CBLB: variants seen among roughly 807,000 people sequenced by gnomAD.
CBLB encodes the protein Cbl proto-oncogene B.
CBLB carries 31 observed loss-of-function variants against 104.9 expected under a neutral mutation model. The ratio of observed to expected loss-of-function variants is 0.30; its 90% CI spans 0.22 to 0.40. CBLB has a LOEUF of 0.40. Among genes scored for constraint, CBLB ranks in the 10% least tolerant of loss-of-function variants. The probability of loss-of-function intolerance (pLI) is 1.00; values close to 1 mark genes in which losing one functional copy is unlikely to be tolerated. For missense variants in CBLB, 1,062 were observed against 1,214.6 expected (o/e 0.87, Z 1.87); for synonymous variants, 440 against 422.6 (o/e 1.04, Z -0.51).
chr3:105,702,141 G>T lies in CBLB; in HGVS notation c.1912C>A (p.Leu638Ile). Reference sequence around the variant, plus strand: ...TCATGGCGTCTGTGTTTCCGCATAAGCACTGGGTCAGAGCCCACTCTACTG... The same window carrying T: ...TCATGGCGTCTGTGTTTCCGCATAATCACTGGGTCAGAGCCCACTCTACTG... The part of the protein sequence containing the change: ...RHSRVGSDPV[L>I]MRKHRRHDLP... The change falls in exon 12 of 19, where the codon CTT becomes ATT. Residue 638 changes from leucine (L) to isoleucine (I), a missense_variant. Physicochemically the swap from Leu to Ile is conservative, Grantham distance 5. Coordinates refer to ENST00000394030, the MANE Select transcript of CBLB (RefSeq NM_170662.5). The T allele has an allele frequency of 6.2e-7, 1 of 1,614,116 alleles. No individual in the cohort carries two copies. The highest frequency in any genetic ancestry group is 8.5e-7 in the Non-Finnish European group (1 of 1,180,018).
chr3:105,825,048 T>C (rs901882167), intron 3 of CBLB, among the ~76,000 whole-genome samples: 2 of 152,188 alleles, frequency 1.3e-5, no homozygotes, highest in Non-Finnish European at 2.9e-5. Context: ...ACTGAAATTA[T>C]AGCATGTTTG....
At chr3:105,838,083 C>CTTTT (rs11294272) in intron 3 of CBLB, among the ~76,000 whole-genome samples, 3 of 116,348 alleles carry the variant, frequency 2.6e-5, no homozygotes, top group African/African-American at 9.8e-5. Flanking sequence ...TCCTTTTTTT[C>CTTTT]TTTTTTTTTT....
chr3:105,760,858 CTT>C (rs1253160798), intron 4 of CBLB, among the ~76,000 whole-genome samples: 2 of 152,116 alleles, frequency 1.3e-5, no homozygotes, highest in Non-Finnish European at 2.9e-5. Context: ...TAAATAACTC[CTT>C]TGTTATTAAA....
intron 9 of CBLB, among the ~76,000 whole-genome samples, chr3:105,732,714 G>A (rs530626429): frequency 7.2e-5 from 11 of 152,030 alleles, no homozygotes; most frequent in African/African-American, 1.7e-4. Context: ...TAAGGAGCTC[G>A]GCAGGCATCA....
rs773364972 is a variant in CBLB at position 105,702,173 on chromosome 3, C to T, written c.1880G>A (p.Gly627Glu). 1 of 1,614,156 alleles carries T rather than the reference C, an allele frequency of 6.2e-7. No homozygotes were observed. The highest frequency in any genetic ancestry group is 2.2e-5 in the East Asian group (1 of 44,880). ...GTCAGAGCCCACTCTACTGTGCCTT[C>T]CATTGACATTTGAACTCGCTGTGAT... ...PGITASSNVNGRHSRVGSDPV... is the reference protein window; with the variant it reads ...PGITASSNVNERHSRVGSDPV... The change falls in exon 12 of 19, where the codon GGA becomes GAA. Residue 627 changes from glycine to glutamate, a missense_variant. Physicochemically the swap from Gly to Glu is moderately conservative, Grantham distance 98. Around this residue, in one of 2 missense-constraint regions of CBLB, gnomAD observed 605 missense variants for 582.6 expected, o/e 1.04. Transcript: ENST00000394030.
At chr3:105,803,460 G>A (rs1577336397) in intron 3 of CBLB, among the ~76,000 whole-genome samples, 1 of 152,222 alleles carries the variant, frequency 6.6e-6, no homozygotes, top group East Asian at 1.9e-4. Context: ...TTTTCATGGA[G>A]TGGACCACCT....
At chr3:105,768,609 C>G (rs1228983373) in intron 4 of CBLB, among the ~76,000 whole-genome samples, 1 of 152,212 alleles carries the variant, frequency 6.6e-6, no homozygotes, top group African/African-American at 2.4e-5. Flanking sequence ...AACACAAAAT[C>G]TGACATACAA....
At chr3:105,773,623 T>C (rs904454134) in intron 4 of CBLB, among the ~76,000 whole-genome samples, 1 of 152,212 alleles carries the variant, frequency 6.6e-6, no homozygotes, top group Admixed American at 6.5e-5. Flanking sequence ...GCTAGTAATA[T>C]ATTTTTCGAG....
chr3:105,804,041 C>A (rs1230990336), intron 3 of CBLB, among the ~76,000 whole-genome samples: 1 of 152,152 alleles, frequency 6.6e-6, no homozygotes, highest in Non-Finnish European at 1.5e-5. Context: ...CACACTTAAA[C>A]TGCCTAGCTT....
rs182000999 is a variant in CBLB, at chr3:105,657,877, C to T, written c.*1093G>A. On this transcript the variant is annotated 3_prime_UTR_variant, in exon 19 of 19. Coordinates refer to ENST00000394030, the MANE Select transcript of CBLB (RefSeq NM_170662.5). ...GTAGCCTTGACACTCAACAGTGCAA[C>T]GAAGAGTTAATGTTTCCACTGCAAT... is the stretch of plus-strand genomic sequence containing the variant. The T allele has an allele frequency of 1.7e-3, 357 of 210,040 alleles. 3 individuals carry two copies. Among genetic ancestry groups the T allele is most frequent in the Non-Finnish European group, 3.7e-4 (38 of 103,490 alleles). 13.0% of individuals were successfully genotyped at this position (210,040 alleles called of 1,614,324 possible).
At chr3:105,739,685 T>C (rs1020306515) in intron 7 of CBLB, among the ~76,000 whole-genome samples, 5 of 152,020 alleles carry the variant, frequency 3.3e-5, no homozygotes, top group Non-Finnish European at 4.4e-5. Flanking sequence ...TATTAACATA[T>C]AGTCCTGAAT....
intron 2 of CBLB, among the ~76,000 whole-genome samples, chr3:105,854,593 A>ATTTTT (rs200499603): frequency 1.0e-4 from 15 of 145,428 alleles, no homozygotes; most frequent in African/African-American, 3.5e-4. Flanking sequence ...CCCTCGTTGT[A>ATTTTT]TTTTTTTTTT....
At chr3:105,705,343 T>C (rs545994175) in intron 10 of CBLB, among the ~76,000 whole-genome samples, 11 of 152,166 alleles carry the variant, frequency 7.2e-5, no homozygotes, top group South Asian at 2.1e-4. Flanking sequence ...CTAAAATCCA[T>C]AGTTTATTCA....
intron 1 of CBLB, 101 bp from the exon 2 acceptor site, chr3:105,867,692 T>TCA: frequency 2.9e-6 from 3 of 1,031,522 alleles, no homozygotes; most frequent in Non-Finnish European, 4.4e-6. Context: ...TCTTCCTCCA[T>TCA]CGATTAGAGC....
intron 10 of CBLB, among the ~76,000 whole-genome samples, chr3:105,717,733 C>T (rs554757905): frequency 6.6e-6 from 1 of 152,246 alleles, no homozygotes; most frequent in Admixed American, 6.5e-5. Flanking sequence ...AACAGTACAT[C>T]AATATCACCA....
chr3:105,766,077 A>G (rs1477967723), intron 4 of CBLB, among the ~76,000 whole-genome samples: 1 of 152,198 alleles, frequency 6.6e-6, no homozygotes, highest in East Asian at 1.9e-4. Context: ...AGTGAATTCC[A>G]AATCTCATGG....
chr3:105,740,466 C>A (rs754875366), intron 7 of CBLB, 28 bp downstream of exon 7: 2 of 1,612,416 alleles, frequency 1.2e-6, no homozygotes, highest in South Asian at 2.2e-5. Flanking sequence ...GAATCATAAG[C>A]ACTCCAACTT....
At chr3:105,838,988 G>A (rs1050826533) in intron 3 of CBLB, among the ~76,000 whole-genome samples, 55 of 152,250 alleles carry the variant, frequency 3.6e-4, no homozygotes, top group African/African-American at 1.3e-3. Context: ...AAAATGAAAG[G>A]AGTTCTGAAC....
chr3:105,728,615 C>T (rs2073956692), intron 9 of CBLB, among the ~76,000 whole-genome samples: 1 of 152,102 alleles, frequency 6.6e-6, no homozygotes, highest in African/African-American at 2.4e-5. Flanking sequence ...GTCCCATTAA[C>T]ACGTGGATGT....
Sources: gnomAD v4.1 joint callset for allele counts (sites outside exome capture counted in the v4.1 genomes callset) on GRCh38, gnomAD v4.1.1 for gene constraint, gnomAD v4.1.1 regional missense constraint, MANE v1.5 for transcripts, NCBI Gene and HGNC (gene_info 2026-07-23, HGNC 2026-07-21) for gene names.